The following DLG2 variants were observed in gnomAD, a reference collection of about 807,000 sequenced individuals.
DLG2 encodes the protein disks large homolog 2.
DLG2 carries 45 observed loss-of-function variants against 132.5 expected under a neutral mutation model. The observed-to-expected ratio is 0.34, with a 90% confidence interval of 0.27 to 0.44. The LOEUF (loss-of-function observed/expected upper bound fraction) is 0.44, where lower values mean the gene tolerates loss of function less well. DLG2 is among the 20% of genes least tolerant of loss of function. DLG2 has a pLI of 1.00. For missense variants in DLG2, 1,045 were observed against 1,196.9 expected (o/e 0.87, Z 1.87); for synonymous variants, 424 against 419.6 (o/e 1.01, Z -0.13).
At chr11:84,035,951 G>C (rs990487153) in intron 11 of DLG2, among the ~76,000 whole-genome samples, 3 of 152,074 alleles carry the variant, frequency 2.0e-5, no homozygotes, top group African/African-American at 7.2e-5. Flanking sequence ...CATTTGATGA[G>C]CCAAAACCAG....
chr11:83,866,560 T>C (rs2062417047), intron 16 of DLG2, among the ~76,000 whole-genome samples: 1 of 152,120 alleles, frequency 6.6e-6, no homozygotes, highest in Admixed American at 6.6e-5. Flanking sequence ...AATTTTCTAG[T>C]TGGATATTCT....
intron 18 of DLG2, among the ~76,000 whole-genome samples, chr11:83,649,083 C>T (rs900598774): frequency 6.6e-6 from 1 of 152,056 alleles, no homozygotes; most frequent in African/African-American, 2.4e-5. Flanking sequence ...CCAGGCACAA[C>T]ACGGGGTTGG....
At chr11:83,699,448 G>A (rs1268485164) in intron 18 of DLG2, among the ~76,000 whole-genome samples, 1 of 151,784 alleles carries the variant, frequency 6.6e-6, no homozygotes, top group African/African-American at 2.4e-5. Flanking sequence ...TGTAATCGCA[G>A]CACTTTGGGA....
At chr11:84,465,788 T>C (rs1419588737) in intron 7 of DLG2, among the ~76,000 whole-genome samples, 1 of 151,272 alleles carries the variant, frequency 6.6e-6, no homozygotes, top group African/African-American at 2.4e-5. Flanking sequence ...TAGACTTATT[T>C]GACTGAGATA....
At chr11:84,162,804 A>G (rs2095576152) in intron 9 of DLG2, among the ~76,000 whole-genome samples, 2 of 152,294 alleles carry the variant, frequency 1.3e-5, no homozygotes, top group South Asian at 4.1e-4. Flanking sequence ...GAGGTTGAAC[A>G]GGTTTTCATT....
rs1020815468 is a variant in DLG2, at chr11:84,045,804, G to A, written c.919+13511C>T. 5.9e-5 allele frequency among the ~76,000 whole-genome samples: 9 copies of A among 151,556 alleles called. No individual in the cohort carries two copies. The East Asian group carries it at 1.7e-3, about 29-fold the overall frequency. The stretch of plus-strand genomic sequence containing the variant: ...TAAAAATGATGATGAATCAAGAATG[G>A]TTAATGAACTGGGGGTCTTAATCTA... On this transcript the variant is annotated intron_variant, in intron 11 of 27. Coordinates refer to ENST00000376104, the MANE Select transcript of DLG2 (RefSeq NM_001142699.3).
chr11:85,029,344 G>A (rs1490710697), intron 6 of DLG2, among the ~76,000 whole-genome samples: 2 of 152,194 alleles, frequency 1.3e-5, no homozygotes, highest in Non-Finnish European at 2.9e-5. Flanking sequence ...ATTCACTGAT[G>A]TAGGTGACAA....
intron 6 of DLG2, among the ~76,000 whole-genome samples, chr11:84,671,407 A>G (rs2099705799): frequency 6.6e-6 from 1 of 152,080 alleles, no homozygotes; most frequent in Admixed American, 6.6e-5. Context: ...CTGGCCTTAC[A>G]GTACTACTCT....
At chr11:83,652,089 C>T (rs867526083) in intron 18 of DLG2, 5 of 293,340 alleles carry the variant, frequency 1.7e-5, no homozygotes, top group Middle Eastern at 2.4e-3. Flanking sequence ...GTAGTATCAT[C>T]GTTTGCCCCC....
At chr11:83,690,921 C>CT (rs2080878617) in intron 18 of DLG2, among the ~76,000 whole-genome samples, 3 of 152,154 alleles carry the variant, frequency 2.0e-5, no homozygotes, top group African/African-American at 7.2e-5. Flanking sequence ...TATGTATTGT[C>CT]TATGGCTGCT....
At chr11:85,166,336 C>T (rs150832775) in intron 4 of DLG2, among the ~76,000 whole-genome samples, 157 of 152,224 alleles carry the variant, frequency 1.0e-3, no homozygotes, top group African/African-American at 3.5e-3. Flanking sequence ...AATTTCTGGT[C>T]CTACATTTTC....
chr11:83,883,681 T>C (rs2066935712), intron 15 of DLG2, among the ~76,000 whole-genome samples: 1 of 152,178 alleles, frequency 6.6e-6, no homozygotes, highest in Non-Finnish European at 1.5e-5. Context: ...ACAGCGGGCA[T>C]ATTCCTGCCT....
At chr11:85,526,623 A>G (rs904962665) in intron 3 of DLG2, among the ~76,000 whole-genome samples, 1 of 152,204 alleles carries the variant, frequency 6.6e-6, no homozygotes, top group African/African-American at 2.4e-5. Flanking sequence ...ACATGAGAAT[A>G]ATAGTTAATT....
At chr11:85,040,453 C>A (rs2061766499) in intron 6 of DLG2, among the ~76,000 whole-genome samples, 1 of 151,872 alleles carries the variant, frequency 6.6e-6, no homozygotes, top group African/African-American at 2.4e-5. Flanking sequence ...GATAATTCTG[C>A]AACAAAATGA....
intron 3 of DLG2, among the ~76,000 whole-genome samples, chr11:85,357,289 T>TGTGTGTGTGTGTG (rs1565372889): frequency 1.4e-5 from 2 of 143,692 alleles, no homozygotes; most frequent in Non-Finnish European, 1.5e-5. Flanking sequence ...TGTGTGTGTG[T>TGTGTGTGTGTGTG]TCATGCCATT....
At chr11:85,491,123 G>A (rs1317744511) in intron 3 of DLG2, among the ~76,000 whole-genome samples, 1 of 151,918 alleles carries the variant, frequency 6.6e-6, no homozygotes, top group African/African-American at 2.4e-5. Context: ...TTATACTAGA[G>A]ATGCAACAAA....
At chr11:83,475,002 G>C (rs2092469669) in intron 22 of DLG2, among the ~76,000 whole-genome samples, 1 of 152,032 alleles carries the variant, frequency 6.6e-6, no homozygotes, top group Non-Finnish European at 1.5e-5. Context: ...ATCACTTCTT[G>C]GTTTACTTTT....
At position 84,081,908 on chromosome 11, in the gene DLG2, T is replaced by C. The variant is rs573244260; in HGVS notation, c.749+17015A>G. Among the ~76,000 whole-genome samples, 17 of 152,364 alleles carry C rather than the reference T, an allele frequency of 1.1e-4. No individual in the cohort carries two copies. In the South Asian group the frequency reaches 2.9e-3, roughly 26 times the overall value. ...GGAATCACCACATTGTCTTCCACAATGGTTGAACTAGTTTACACTGCCACC... is the reference window on the plus strand; with the variant it reads ...GGAATCACCACATTGTCTTCCACAACGGTTGAACTAGTTTACACTGCCACC... On this transcript the variant is annotated intron_variant, in intron 10 of 27. Coordinates refer to ENST00000376104, the MANE Select transcript of DLG2 (RefSeq NM_001142699.3).
chr11:83,812,470 G>A lies in DLG2; in HGVS notation c.1722+21144C>T, dbSNP rs148862860. 6.6e-5 allele frequency among the ~76,000 whole-genome samples: 10 copies of A among 152,234 alleles called. No homozygotes were observed. The East Asian group carries it at 1.9e-3, about 29-fold the overall frequency. ...TAAAAATAAGACTTGGGTTTGGTATGAAGAAGATCACAGCCTTATGTAGCC... is the reference window on the plus strand; with the variant it reads ...TAAAAATAAGACTTGGGTTTGGTATAAAGAAGATCACAGCCTTATGTAGCC... On this transcript the variant is annotated intron_variant, in intron 17 of 27. Coordinates refer to ENST00000376104, the MANE Select transcript of DLG2 (RefSeq NM_001142699.3).
Sources: gnomAD v4.1 joint callset for allele counts (sites outside exome capture counted in the v4.1 genomes callset) on GRCh38, gnomAD v4.1.1 for gene constraint, MANE v1.5 for transcripts, NCBI Gene and HGNC (gene_info 2026-07-23, HGNC 2026-07-21) for gene names.